Variants in BCAR3 observed in about 807,000 individuals in gnomAD.
The protein encoded by BCAR3 is breast cancer anti-estrogen resistance protein 3.
A neutral mutation model predicts 80.1 loss-of-function variants in BCAR3; 37 were observed. The observed-to-expected ratio is 0.46, with a 90% confidence interval of 0.36 to 0.61. The LOEUF (loss-of-function observed/expected upper bound fraction) is 0.61, where lower values mean the gene tolerates loss of function less well. BCAR3 is among the 20% of genes least tolerant of loss of function. The pLI is 0.00. For missense variants in BCAR3, 978 were observed against 1,068.2 expected (o/e 0.92, Z 1.18); for synonymous variants, 389 against 418.9 (o/e 0.93, Z 0.87).
intron 3 of BCAR3, among the ~76,000 whole-genome samples, chr1:93,693,439 T>C (rs982145203): frequency 6.6e-6 from 1 of 152,230 alleles, no homozygotes; most frequent in African/African-American, 2.4e-5. Flanking sequence ...AGAGCAGCTC[T>C]TCCTCACAGC....
intron 2 of BCAR3, among the ~76,000 whole-genome samples, chr1:93,706,509 G>A (rs1649832271): frequency 6.6e-6 from 1 of 152,154 alleles, no homozygotes; most frequent in Non-Finnish European, 1.5e-5. Context: ...GCAGAGGACT[G>A]TGATTACAGC....
chr1:93,657,715 GATGT>G (rs1647452722), intron 2 of BCAR3, among the ~76,000 whole-genome samples: 1 of 149,568 alleles, frequency 6.7e-6, no homozygotes, highest in Non-Finnish European at 1.5e-5. Context: ...CTTTAAGTCT[GATGT>G]ATGGCCCACA....
intron 4 of BCAR3, among the ~76,000 whole-genome samples, chr1:93,589,757 G>T (rs891293512): frequency 1.3e-5 from 2 of 152,180 alleles, no homozygotes; most frequent in African/African-American, 4.8e-5. Flanking sequence ...TATGTCAGCT[G>T]TAAGGTCAGG....
At chr1:93,636,414 C>T (rs1467193118) in intron 3 of BCAR3, among the ~76,000 whole-genome samples, 1 of 152,218 alleles carries the variant, frequency 6.6e-6, no homozygotes, top group African/African-American at 2.4e-5. Context: ...AGGAATCTAG[C>T]CAGGAACAAA....
chr1:93,564,297 T>C (rs1283831814), intron 11 of BCAR3, among the ~76,000 whole-genome samples: 34 of 140,498 alleles, frequency 2.4e-4, no homozygotes, highest in Admixed American at 1.1e-3. Context: ...TTTCTTTTTT[T>C]TTTTTTTTTT....
At chr1:93,826,715 G>A (rs557006957) in intron 2 of BCAR3, among the ~76,000 whole-genome samples, 109 of 152,156 alleles carry the variant, frequency 7.2e-4, no homozygotes, top group Non-Finnish European at 1.3e-3. Context: ...AGAACAGTCA[G>A]GGGAGATCTC....
rs914652763 is a variant in BCAR3, at chr1:93,674,478, C to T, written c.317+136G>A. On this transcript the variant is annotated intron_variant, in intron 2 of 11. Transcript: ENST00000260502. ...ACCATGTTGGTCTGGTCTCAAACTC[C>T]TAACCTCATGATCCACCCATCTCAG... The T allele has an allele frequency of 6.2e-6, 6 of 972,704 alleles. No individual in the cohort carries two copies. In the African/African-American group the frequency reaches 1.0e-4, roughly 16 times the overall value. The allele number at this position is 972,704 out of a possible 1,614,324, so 60.3% of individuals were successfully genotyped here.
At chr1:93,687,554 A>C (rs908497123) in intron 3 of BCAR3, among the ~76,000 whole-genome samples, 2 of 151,828 alleles carry the variant, frequency 1.3e-5, no homozygotes, top group African/African-American at 4.8e-5. Context: ...TGATCCACCC[A>C]CCCCAGCCTC....
intron 3 of BCAR3, among the ~76,000 whole-genome samples, chr1:93,598,465 C>G (rs1353170169): frequency 6.6e-6 from 1 of 152,208 alleles, no homozygotes; most frequent in South Asian, 2.1e-4. Context: ...ATCCCCAGGC[C>G]TAGGAACTGA....
intron 2 of BCAR3, among the ~76,000 whole-genome samples, chr1:93,665,453 T>C (rs909899610): frequency 2.6e-5 from 4 of 152,188 alleles, no homozygotes; most frequent in Non-Finnish European, 5.9e-5. Flanking sequence ...TATCTATCCA[T>C]ATCCTATCTT....
At chr1:93,837,113 G>A (rs1168030580) in intron 2 of BCAR3, among the ~76,000 whole-genome samples, 1 of 152,170 alleles carries the variant, frequency 6.6e-6, no homozygotes, top group Non-Finnish European at 1.5e-5. Context: ...AGATACTTGG[G>A]AGGCTAAGGC....
At chr1:93,618,127 C>A (rs1045417183) in intron 3 of BCAR3, among the ~76,000 whole-genome samples, 2 of 152,244 alleles carry the variant, frequency 1.3e-5, no homozygotes, top group African/African-American at 4.8e-5. Context: ...AAAGACAGTT[C>A]TACACATTTC....
At chr1:93,625,208 C>T (rs1675421996) in intron 3 of BCAR3, among the ~76,000 whole-genome samples, 1 of 152,186 alleles carries the variant, frequency 6.6e-6, no homozygotes, top group African/African-American at 2.4e-5. Context: ...AAGACTCCAT[C>T]TCAAAAATAA....
chr1:93,569,594 A>G (rs1005532718), intron 9 of BCAR3, among the ~76,000 whole-genome samples: 1 of 152,224 alleles, frequency 6.6e-6, no homozygotes, highest in African/African-American at 2.4e-5. Context: ...ATGTGGCTAT[A>G]GTGTAAGGGC....
Position 93,571,798 on chromosome 1 carries a change from AT to A in BCAR3, c.1845del (p.Cys616AlafsTer12), listed in dbSNP as rs752853340. On this transcript the variant is annotated frameshift_variant, in exon 9 of 12. Transcript: ENST00000260502. LOFTEE classifies it high-confidence loss of function. Reference protein sequence around the residue: ...MAIGIAVDILGCTGTLEDRAA... With the variant: ...MAIGIAVDILXCTGTLEDRAA... ...GCTCGGTCCTCCAAAGTGCCCGTGCATCCCAGAATGTCCACTGCAATGCCGA... is the reference window on the plus strand; with the variant it reads ...GCTCGGTCCTCCAAAGTGCCCGTGCACCCAGAATGTCCACTGCAATGCCGA... 77 of 1,614,056 alleles carry A rather than the reference AT, an allele frequency of 4.8e-5. No individual in the cohort carries two copies. The highest frequency in any genetic ancestry group is 6.2e-5 in the Non-Finnish European group (73 of 1,180,036).
chr1:93,595,746 G>A (rs2101856917), intron 3 of BCAR3, among the ~76,000 whole-genome samples: 1 of 152,270 alleles, frequency 6.6e-6, no homozygotes, highest in Non-Finnish European at 1.5e-5. Context: ...ATAACAAATT[G>A]TGGCAAAATG....
chr1:93,617,028 C>T (rs1306808630), intron 3 of BCAR3, among the ~76,000 whole-genome samples: 3 of 152,212 alleles, frequency 2.0e-5, no homozygotes, highest in African/African-American at 7.2e-5. Flanking sequence ...TAAGGCAGGC[C>T]GGAGGAAGAC....
chr1:93,672,336 C>T (rs1405335357), intron 2 of BCAR3, among the ~76,000 whole-genome samples: 1 of 152,098 alleles, frequency 6.6e-6, no homozygotes, highest in Non-Finnish European at 1.5e-5. Context: ...ACCCACCCCC[C>T]TAGTGTGGAG....
Position 93,589,249 on chromosome 1 carries a change from G to T in BCAR3, c.657C>A (p.Phe219Leu), listed in dbSNP as rs376886380. 1.9e-4 allele frequency: 310 copies of T among 1,614,066 alleles called. No homozygotes were observed. The highest frequency in any genetic ancestry group is 3.5e-4 in the Admixed American group (21 of 60,010). ...SEAYSRVQYQFEMESFDSIPG... is the reference protein window; with the variant it reads ...SEAYSRVQYQLEMESFDSIPG... ...GGATGGAGTCGAAGCTCTCCATCTC[G>T]AACTGGTACTGCACGCGGCTGTAGG... The change falls in exon 5 of 12, where the codon TTC (phenylalanine) becomes TTA (leucine). Residue 219 changes from phenylalanine (F) to leucine (L), a missense_variant. Transcript: ENST00000260502.
Sources: allele counts gnomAD v4.1 joint callset (sites outside exome capture counted in the v4.1 genomes callset), GRCh38; gene constraint gnomAD v4.1.1; transcripts MANE v1.5; gene names NCBI Gene and HGNC (gene_info 2026-07-23, HGNC 2026-07-21).